The following AGBL1 variants were observed in gnomAD, a reference collection of about 807,000 sequenced individuals.
AGBL1 encodes the protein cytosolic carboxypeptidase 4.
Under a neutral mutation model 118.9 loss-of-function variants are expected in AGBL1, and 130 were observed. That is an observed-to-expected ratio of 1.09 (90% CI 0.95 to 1.26). The LOEUF (loss-of-function observed/expected upper bound fraction) is 1.26, where lower values mean the gene tolerates loss of function less well. AGBL1 is among the 50% of genes most tolerant of loss of function. AGBL1 has a pLI of 0.00. For missense variants in AGBL1, 1,584 were observed against 1,298.1 expected (o/e 1.22, Z -3.38); for synonymous variants, 555 against 478.9 (o/e 1.16, Z -2.08).
chr15:86,628,984 G>A (rs1193439000), intron 21 of AGBL1, among the ~76,000 whole-genome samples: 2 of 152,038 alleles, frequency 1.3e-5, no homozygotes, highest in African/African-American at 4.8e-5. Flanking sequence ...TAACTTTTTT[G>A]TGTATCTGAT....
At chr15:86,832,591 A>G (rs2079120323) in intron 22 of AGBL1, among the ~76,000 whole-genome samples, 1 of 152,212 alleles carries the variant, frequency 6.6e-6, no homozygotes, top group Non-Finnish European at 1.5e-5. Context: ...ACATAGAAAG[A>G]GTCACACTTT....
intron 18 of AGBL1, among the ~76,000 whole-genome samples, chr15:86,477,773 C>A (rs1037861247): frequency 1.3e-5 from 2 of 151,898 alleles, no homozygotes; most frequent in Non-Finnish European, 2.9e-5. Flanking sequence ...GGCAGAGACA[C>A]AACAAAAAAA....
intron 24 of AGBL1, among the ~76,000 whole-genome samples, chr15:86,999,702 T>C (rs962728227): frequency 4.6e-5 from 7 of 151,574 alleles, no homozygotes; most frequent in Non-Finnish European, 1.0e-4. Context: ...TGCATGTGTC[T>C]TTACAGCAGC....
intron 21 of AGBL1, among the ~76,000 whole-genome samples, chr15:86,652,231 T>G (rs1009309013): frequency 6.6e-6 from 1 of 152,190 alleles, no homozygotes; most frequent in South Asian, 2.1e-4. Context: ...CCTCATGTTC[T>G]CTTTCAACTC....
intron 18 of AGBL1, among the ~76,000 whole-genome samples, chr15:86,487,264 T>C (rs1004180798): frequency 7.9e-5 from 12 of 152,062 alleles, no homozygotes; most frequent in African/African-American, 2.9e-4. Flanking sequence ...AAAACTTCTC[T>C]CTTCCTATTG....
chr15:86,709,475 G>C (rs1488641182), intron 22 of AGBL1, among the ~76,000 whole-genome samples: 2 of 152,096 alleles, frequency 1.3e-5, no homozygotes, highest in Admixed American at 6.6e-5. Flanking sequence ...CTATGACCTA[G>C]GCTTTGCAAA....
chr15:86,120,584 C>T (rs958994080), intron 1 of AGBL1, among the ~76,000 whole-genome samples: 4 of 152,220 alleles, frequency 2.6e-5, no homozygotes, highest in Admixed American at 2.0e-4. Flanking sequence ...CACTGCACAA[C>T]AGCCTGCGCT....
At chr15:86,302,401 A>G (rs1200451740) in intron 17 of AGBL1, among the ~76,000 whole-genome samples, 3 of 152,120 alleles carry the variant, frequency 2.0e-5, no homozygotes, top group Non-Finnish European at 4.4e-5. Context: ...AAACTTCTAT[A>G]TGCAGAGAAA....
intron 17 of AGBL1, among the ~76,000 whole-genome samples, chr15:86,387,371 A>G (rs1446815286): frequency 6.6e-6 from 1 of 152,166 alleles, no homozygotes; most frequent in Admixed American, 6.5e-5. Flanking sequence ...ACTTTCAATG[A>G]GGAGACTAAG....
intron 5 of AGBL1, among the ~76,000 whole-genome samples, chr15:86,208,006 G>A (rs1486190620): frequency 9.6e-6 from 1 of 103,784 alleles, no homozygotes; most frequent in Non-Finnish European, 2.0e-5. Context: ...TTAGTTTATT[G>A]AGAGTTTTTT....
At chr15:86,617,517 T>C (rs561362266) in intron 21 of AGBL1, among the ~76,000 whole-genome samples, 92 of 152,326 alleles carry the variant, frequency 6.0e-4, no homozygotes, top group African/African-American at 2.1e-3. Context: ...TATTCTGTAA[T>C]TTATGATGAG....
intron 23 of AGBL1, among the ~76,000 whole-genome samples, chr15:86,926,867 G>A (rs372176031): frequency 2.0e-4 from 30 of 152,154 alleles, no homozygotes; most frequent in African/African-American, 7.2e-4. Context: ...CAGGCCAGGC[G>A]CGGTAGCTCA....
intron 21 of AGBL1, among the ~76,000 whole-genome samples, chr15:86,635,643 CT>C (rs1596325649): frequency 6.6e-6 from 1 of 151,902 alleles, no homozygotes; most frequent in East Asian, 1.9e-4. Flanking sequence ...GTAAATACAG[CT>C]TTTGTGGGGC....
chr15:86,471,882 G>A (rs1002270045), intron 18 of AGBL1, among the ~76,000 whole-genome samples: 1 of 152,206 alleles, frequency 6.6e-6, no homozygotes, highest in Non-Finnish European at 1.5e-5. Context: ...GAAAGACAAT[G>A]TTGGCAAATG....
intron 17 of AGBL1, among the ~76,000 whole-genome samples, chr15:86,334,505 A>G (rs750463806): frequency 3.0e-4 from 46 of 152,336 alleles, no homozygotes; most frequent in Non-Finnish European, 5.6e-4. Flanking sequence ...GCTAAAAGAA[A>G]CATAGATGAC....
chr15:87,005,026 G>T (rs551657107), intron 24 of AGBL1, among the ~76,000 whole-genome samples: 1 of 152,164 alleles, frequency 6.6e-6, no homozygotes, highest in Non-Finnish European at 1.5e-5. Flanking sequence ...CCCCCACTCT[G>T]TTCTGGCTTG....
exon 25 of AGBL1, chr15:87,028,901 A>T (rs1596758656): frequency 2.6e-6 from 4 of 1,538,998 alleles, no homozygotes; most frequent in East Asian, 4.5e-5. Flanking sequence ...CTCCTCCTGG[A>T]TCTGTGAGGA....
At chr15:86,618,908 C>T (rs970709507) in intron 21 of AGBL1, among the ~76,000 whole-genome samples, 3 of 152,128 alleles carry the variant, frequency 2.0e-5, no homozygotes, top group Non-Finnish European at 4.4e-5. Flanking sequence ...GATACAGGTT[C>T]TGCTCCTACT....
At chr15:86,893,066 G>C (rs1174056391) in intron 22 of AGBL1, among the ~76,000 whole-genome samples, 2 of 152,142 alleles carry the variant, frequency 1.3e-5, no homozygotes, top group African/African-American at 4.8e-5. Flanking sequence ...TACTGCCTCG[G>C]GGACTCACTC....
Sources: gnomAD v4.1 joint callset for allele counts (sites outside exome capture counted in the v4.1 genomes callset) on GRCh38, gnomAD v4.1.1 for gene constraint, MANE v1.5 for transcripts, NCBI Gene and HGNC (gene_info 2026-07-23, HGNC 2026-07-21) for gene names.